MLIP: variants seen among roughly 807,000 people sequenced by gnomAD.
MLIP encodes muscular LMNA-interacting protein.
In MLIP, 79 loss-of-function variants were observed where a neutral mutation model predicts 84.8. That is an observed-to-expected ratio of 0.93 (90% CI 0.78 to 1.12). The LOEUF is 1.12. MLIP is among the 50% of genes most tolerant of loss of function. The pLI is 0.00. For synonymous variants in MLIP, 504 were observed against 463.0 expected (o/e 1.09, Z -1.14); for missense variants, 1,257 against 1,160.6 (o/e 1.08, Z -1.21).
intron 9 of MLIP, among the ~76,000 whole-genome samples, chr6:54,186,951 C>G (rs1246376059): frequency 6.6e-6 from 1 of 152,070 alleles, no homozygotes; most frequent in East Asian, 1.9e-4. Flanking sequence ...AGTTTAAGAC[C>G]TATATGGGAA....
rs1350761148 is a variant in MLIP at position 54,137,567 on chromosome 6, A to G, written c.1498A>G (p.Thr500Ala). The G allele has an allele frequency of 6.5e-7, 1 of 1,535,836 alleles. No homozygotes were observed. Among genetic ancestry groups the G allele is most frequent in the African/African-American group, 1.4e-5 (1 of 73,046 alleles). ...TCACCTGCCTGTTTTCACCAAGTCT[A>G]CTCCGCTTTCTCAGGCGCCCTCCCT... ...SFHLPVFTKS[T>A]PLSQAPSLSP... Residue 500 changes from threonine to alanine, a missense_variant, in exon 4 of 14, where the codon ACT becomes GCT. Coordinates refer to ENST00000502396, the MANE Select transcript of MLIP (RefSeq NM_001281747.2).
At chr6:54,060,561 G>T (rs538847890) in intron 1 of MLIP, among the ~76,000 whole-genome samples, 186 of 152,254 alleles carry the variant, frequency 1.2e-3, no homozygotes, top group Non-Finnish European at 2.4e-3. Flanking sequence ...GCATTCTGAC[G>T]TGAACCACAC....
chr6:54,188,482 T>G (rs969204126), intron 9 of MLIP, among the ~76,000 whole-genome samples: 5 of 152,126 alleles, frequency 3.3e-5, no homozygotes, highest in African/African-American at 7.2e-5. Context: ...TCTTTAAGCT[T>G]TTTTTGTTAA....
At chr6:54,090,307 T>G (rs1032770041) in intron 1 of MLIP, among the ~76,000 whole-genome samples, 1 of 152,100 alleles carries the variant, frequency 6.6e-6, no homozygotes, top group African/African-American at 2.4e-5. Context: ...CTTATTAGGA[T>G]GTCTTGAGAT....
chr6:54,190,436 C>G (rs985635162), intron 10 of MLIP, among the ~76,000 whole-genome samples: 1 of 151,962 alleles, frequency 6.6e-6, no homozygotes, highest in African/African-American at 2.4e-5. Context: ...TAAAATGGAA[C>G]AGGTAATGTT....
At position 54,202,087 on chromosome 6, in the gene MLIP, T is replaced by A; in HGVS notation, c.2590-18T>A. ...GTTTTTTTCCTGTTTTTAAAATATT[T>A]ATTTTACATTCATGAAGACTAAGCC... On this transcript the variant is annotated intron_variant, in intron 10 of 13. Coordinates refer to ENST00000502396, the MANE Select transcript of MLIP (RefSeq NM_001281747.2). 8.1e-6 allele frequency: 12 copies of A among 1,489,874 alleles called. No individual in the cohort carries two copies. Among genetic ancestry groups the A allele is most frequent in the Non-Finnish European group, 1.1e-5 (12 of 1,114,240 alleles). The allele number at this position is 1,489,874 out of a possible 1,614,324, so 92.3% of individuals were successfully genotyped here. A position where few individuals can be genotyped will look rare whatever the true frequency, so the allele number is the denominator to read the frequency against.
chr6:54,223,096 T>C (rs1230157830), intron 11 of MLIP, among the ~76,000 whole-genome samples: 2 of 151,960 alleles, frequency 1.3e-5, no homozygotes, highest in Non-Finnish European at 2.9e-5. Context: ...TGGTATTGAG[T>C]TGTATGAGGT....
chr6:54,248,608 T>A (rs888842925), intron 12 of MLIP, among the ~76,000 whole-genome samples: 1 of 152,016 alleles, frequency 6.6e-6, no homozygotes, highest in Non-Finnish European at 1.5e-5. Flanking sequence ...AAAAATTCCC[T>A]TACACTGATG....
At chr6:54,023,463 G>A (rs1009207999) in intron 1 of MLIP, among the ~76,000 whole-genome samples, 2 of 151,894 alleles carry the variant, frequency 1.3e-5, no homozygotes, top group African/African-American at 2.4e-5. Context: ...GAATTTGAGA[G>A]CGAAAGACTT....
intron 1 of MLIP, among the ~76,000 whole-genome samples, chr6:54,090,647 C>CTGTG (rs1007743856): frequency 7.9e-6 from 1 of 127,388 alleles, no homozygotes; most frequent in African/African-American, 2.8e-5. Flanking sequence ...AGTATTGTAT[C>CTGTG]TGTGTGTGTG....
At chr6:54,246,038 T>G (rs1782056970) in intron 12 of MLIP, among the ~76,000 whole-genome samples, 1 of 152,176 alleles carries the variant, frequency 6.6e-6, no homozygotes, top group Non-Finnish European at 1.5e-5. Flanking sequence ...CTCAGACATT[T>G]AACTTACAGC....
chr6:54,221,926 A>T (rs1001618322), intron 11 of MLIP, among the ~76,000 whole-genome samples: 3 of 152,240 alleles, frequency 2.0e-5, no homozygotes, highest in Non-Finnish European at 4.4e-5. Context: ...CAAAAAATTT[A>T]TAAATTAATA....
chr6:54,173,454 C>T (rs924422620), intron 9 of MLIP, among the ~76,000 whole-genome samples: 3 of 151,714 alleles, frequency 2.0e-5, no homozygotes, highest in African/African-American at 7.3e-5. Context: ...TTTGCTGTTT[C>T]CAGGGTTTTA....
intron 3 of MLIP, among the ~76,000 whole-genome samples, chr6:54,129,569 C>CT (rs1267336493): frequency 6.6e-6 from 1 of 152,150 alleles, no homozygotes; most frequent in Non-Finnish European, 1.5e-5. Flanking sequence ...AGAGTTAGTG[C>CT]TGTTGCTCTT....
intron 1 of MLIP, among the ~76,000 whole-genome samples, chr6:54,120,645 C>T (rs1055327302): frequency 3.3e-4 from 50 of 152,208 alleles, no homozygotes; most frequent in Non-Finnish European, 6.3e-4. Context: ...TTGATACACT[C>T]TCCACTGCTG....
At position 54,189,934 on chromosome 6, in the gene MLIP, CAGA is replaced by C; in HGVS notation, c.2589+21_2589+23del. On this transcript the variant is annotated intron_variant, in intron 10 of 13. Coordinates refer to ENST00000502396, the MANE Select transcript of MLIP (RefSeq NM_001281747.2). ...CAGCTGGTATGTATCTTCTAAGTCA[CAGA>C]TCTACTGCAAATTCTGATCTCTCAA... 1 of 1,562,178 alleles carries C rather than the reference CAGA, an allele frequency of 6.4e-7. No individual in the cohort carries two copies.
At chr6:54,109,805 G>T (rs1769285938), upstream of MLIP, among the ~76,000 whole-genome samples, 1 of 152,048 alleles carries the variant, frequency 6.6e-6, no homozygotes, top group African/African-American at 2.4e-5. Flanking sequence ...CCACATCTCA[G>T]ATCTCCACAC....
intron 1 of MLIP, among the ~76,000 whole-genome samples, chr6:54,061,074 C>T (rs1034948402): frequency 6.6e-6 from 1 of 150,762 alleles, no homozygotes; most frequent in African/African-American, 2.4e-5. Context: ...AAAAAGCTTA[C>T]AAAAACTCCA....
chr6:54,193,460 T>G (rs1240956760), intron 10 of MLIP, among the ~76,000 whole-genome samples: 2 of 152,234 alleles, frequency 1.3e-5, no homozygotes, highest in African/African-American at 4.8e-5. Flanking sequence ...GAAATGCTTA[T>G]GTAGTTAAAT....
Sources: allele counts gnomAD v4.1 joint callset (sites outside exome capture counted in the v4.1 genomes callset), GRCh38; gene constraint gnomAD v4.1.1; transcripts MANE v1.5; gene names NCBI Gene and HGNC (gene_info 2026-07-23, HGNC 2026-07-21).